The following FCHSD2 variants were observed in gnomAD, a reference collection of about 807,000 sequenced individuals.
The protein encoded by FCHSD2 is F-BAR and double SH3 domains protein 2.
A neutral mutation model predicts 108.1 loss-of-function variants in FCHSD2; 38 were observed. The observed-to-expected ratio is 0.35, with a 90% confidence interval of 0.27 to 0.46. FCHSD2 has a LOEUF of 0.46. Among genes scored for constraint, FCHSD2 ranks in the 20% least tolerant of loss-of-function variants. The probability of loss-of-function intolerance (pLI) is 1.00; values close to 1 mark genes in which losing one functional copy is unlikely to be tolerated. For synonymous variants in FCHSD2, 279 were observed against 314.7 expected (o/e 0.89, Z 1.20); for missense variants, 751 against 897.8 (o/e 0.84, Z 2.09).
At chr11:72,913,612 A>G (rs1855808308) in intron 9 of FCHSD2, among the ~76,000 whole-genome samples, 1 of 152,054 alleles carries the variant, frequency 6.6e-6, no homozygotes, top group Non-Finnish European at 1.5e-5. Context: ...ATTGGCATAT[A>G]TTGTTCACAG....
At position 73,047,680 on chromosome 11, in the gene FCHSD2, C is replaced by T. The variant is rs143537137; in HGVS notation, c.166-31795G>A. On this transcript the variant is annotated intron_variant, in intron 3 of 19. Transcript: ENST00000409418. ...CTTTCAGAAATGGGATTAGAACCCC[C>T]TTCTCTTTTCCTTTCATTTGGCATC... 1.2e-3 allele frequency among the ~76,000 whole-genome samples: 180 copies of T among 152,308 alleles called. 1 individual carries two copies. Among genetic ancestry groups the T allele is most frequent in the African/African-American group, 4.2e-3 (173 of 41,572 alleles).
At chr11:73,040,643 T>C (rs952077547) in intron 3 of FCHSD2, among the ~76,000 whole-genome samples, 13 of 152,222 alleles carry the variant, frequency 8.5e-5, no homozygotes, top group African/African-American at 3.1e-4. Flanking sequence ...ACATGATATT[T>C]TGATACACAT....
At chr11:72,883,846 C>T (rs755637792) in intron 12 of FCHSD2, among the ~76,000 whole-genome samples, 9 of 151,490 alleles carry the variant, frequency 5.9e-5, no homozygotes, top group Non-Finnish European at 1.2e-4. Flanking sequence ...ATGGGAGAAT[C>T]GCTTGAGCCC....
At chr11:72,973,596 T>C (rs1257442854) in intron 8 of FCHSD2, among the ~76,000 whole-genome samples, 2 of 152,220 alleles carry the variant, frequency 1.3e-5, no homozygotes, top group Non-Finnish European at 2.9e-5. Flanking sequence ...TTACAATCTG[T>C]TGAACATAAG....
chr11:72,897,187 C>T lies in FCHSD2; in HGVS notation c.924+5356G>A, dbSNP rs530752410. Among the ~76,000 whole-genome samples, 4 of 152,180 alleles carry T rather than the reference C, an allele frequency of 2.6e-5. No individual in the cohort carries two copies. The South Asian group carries it at 8.3e-4, about 32-fold the overall frequency. On this transcript the variant is annotated intron_variant, in intron 10 of 19. Transcript: ENST00000409418. ...TAACATCTATTCTGACTCAATGTGC[C>T]AGGCATTGAGTTAAATGCTTAGTAT... is the stretch of plus-strand genomic sequence containing the variant.
intron 2 of FCHSD2, among the ~76,000 whole-genome samples, chr11:73,121,657 A>C (rs78560848): frequency 7.1e-6 from 1 of 140,900 alleles, no homozygotes; most frequent in African/African-American, 2.7e-5. Flanking sequence ...GTTAAGGGCC[A>C]AAAAAAAAAA....
intron 6 of FCHSD2, 56 bp from the exon 7 acceptor site, chr11:72,985,172 A>T: frequency 2.4e-6 from 1 of 424,882 alleles, no homozygotes; most frequent in Non-Finnish European, 4.2e-6. Flanking sequence ...TATCACAATA[A>T]AATTACTAAA....
chr11:73,101,735 C>G (rs943081002), intron 2 of FCHSD2, among the ~76,000 whole-genome samples: 1 of 151,752 alleles, frequency 6.6e-6, no homozygotes, highest in Non-Finnish European at 1.5e-5. Context: ...CTGCACCCCC[C>G]GCCCCCGAAA....
chr11:72,915,847 A>C (rs1000994950), intron 9 of FCHSD2, among the ~76,000 whole-genome samples: 15 of 152,182 alleles, frequency 9.9e-5, no homozygotes, highest in African/African-American at 3.6e-4. Flanking sequence ...AAAAGAAAAG[A>C]AAATGTGGTA....
chr11:73,039,796 A>G (rs1020948177), intron 3 of FCHSD2, among the ~76,000 whole-genome samples: 2 of 152,216 alleles, frequency 1.3e-5, no homozygotes, highest in Admixed American at 1.3e-4. Flanking sequence ...TAAGTGTTTA[A>G]TTATTCCACA....
chr11:73,115,324 A>T (rs1026013274), intron 2 of FCHSD2, among the ~76,000 whole-genome samples: 4 of 151,550 alleles, frequency 2.6e-5, no homozygotes, highest in Admixed American at 1.3e-4. Flanking sequence ...GCAATTCAAG[A>T]CTCTCTTTCC....
At chr11:72,984,274 T>C (rs1003650499) in intron 7 of FCHSD2, 58 bp from the exon 8 acceptor site, 62 of 1,540,804 alleles carry the variant, frequency 4.0e-5, no homozygotes, top group African/African-American at 5.5e-5. Context: ...GCAAAACACA[T>C]AGGAATCCTA....
At chr11:73,035,636 G>T (rs1325334027) in intron 3 of FCHSD2, among the ~76,000 whole-genome samples, 1 of 151,930 alleles carries the variant, frequency 6.6e-6, no homozygotes, top group East Asian at 1.9e-4. Flanking sequence ...TACTTACTGA[G>T]AATTTTCTAC....
intron 4 of FCHSD2, among the ~76,000 whole-genome samples, chr11:73,011,972 C>A (rs914375688): frequency 2.0e-5 from 3 of 152,150 alleles, no homozygotes; most frequent in African/African-American, 7.2e-5. Flanking sequence ...ACCCTCCCTC[C>A]AATATCAACA....
chr11:73,088,364 G>A (rs2135519235), intron 2 of FCHSD2, among the ~76,000 whole-genome samples: 1 of 152,226 alleles, frequency 6.6e-6, no homozygotes, highest in South Asian at 2.1e-4. Context: ...TTGTGTAAGT[G>A]TACTCCATGA....
intron 3 of FCHSD2, among the ~76,000 whole-genome samples, chr11:73,029,872 A>C (rs887097051): frequency 6.6e-6 from 1 of 152,242 alleles, no homozygotes; most frequent in African/African-American, 2.4e-5. Flanking sequence ...TTAAGTTTAC[A>C]TCTCAGGCTG....
intron 3 of FCHSD2, among the ~76,000 whole-genome samples, chr11:73,061,454 C>A (rs565171678): frequency 4.2e-4 from 64 of 152,184 alleles, no homozygotes; most frequent in African/African-American, 1.5e-3. Flanking sequence ...ACCAGTGAGA[C>A]AGAACGATTC....
intron 13 of FCHSD2, among the ~76,000 whole-genome samples, chr11:72,863,328 G>C (rs1854644107): frequency 6.6e-6 from 1 of 152,068 alleles, no homozygotes; most frequent in African/African-American, 2.4e-5. Context: ...GACTTATTCT[G>C]TTTACCATAA....
chr11:72,945,910 G>T (rs1591423778), intron 8 of FCHSD2, among the ~76,000 whole-genome samples: 1 of 152,178 alleles, frequency 6.6e-6, no homozygotes, highest in East Asian at 1.9e-4. Context: ...GTGCTGGAGG[G>T]GATGTGGAGA....
Sources: gnomAD v4.1 joint callset for allele counts (sites outside exome capture counted in the v4.1 genomes callset) on GRCh38, gnomAD v4.1.1 for gene constraint, MANE v1.5 for transcripts, NCBI Gene and HGNC (gene_info 2026-07-23, HGNC 2026-07-21) for gene names.